Variants in C1QTNF3 observed in about 807,000 individuals in gnomAD.
The protein encoded by C1QTNF3 is C1q and TNF related 3.
A neutral mutation model predicts 32.6 loss-of-function variants in C1QTNF3; 26 were observed. That is an observed-to-expected ratio of 0.80 (90% confidence interval 0.58 to 1.11). C1QTNF3 has a LOEUF of 1.11. C1QTNF3 is among the 50% of genes least tolerant of loss of function. C1QTNF3 has a pLI of 0.00. For missense variants in C1QTNF3, 362 were observed against 398.2 expected, an observed-to-expected ratio of 0.91 and a Z score of 0.77; for synonymous variants, 155 against 146.0, an observed-to-expected ratio of 1.06 and a Z score of -0.44.
chr5:34,213,778 TATATATAC>T, the C1QTNF3 span, among the ~76,000 whole-genome samples: 1 of 10,598 alleles, frequency 9.4e-5, no homozygotes, highest in Non-Finnish European at 3.1e-4. Flanking sequence ...CACATACGTG[TATATATAC>T]ATATATATAT....
chr5:34,128,587 T>G, the C1QTNF3 span, among the ~76,000 whole-genome samples: 1 of 152,226 alleles, frequency 6.6e-6, no homozygotes. Flanking sequence ...GCCCACTTGT[T>G]GCATCAGCAT....
the C1QTNF3 span, among the ~76,000 whole-genome samples, chr5:34,148,176 T>G: frequency 1.8e-4 from 27 of 146,362 alleles, no homozygotes; most frequent in East Asian, 4.2e-4. Flanking sequence ...ACCACGAGAC[T>G]ATATCCCACA....
chr5:34,117,721 A>C, the C1QTNF3 span, among the ~76,000 whole-genome samples: 1 of 152,076 alleles, frequency 6.6e-6, no homozygotes, highest in Non-Finnish European at 1.5e-5. Context: ...CAGTGAGCCT[A>C]GATCATGCCA....
chr5:34,213,136 GGATT>G, the C1QTNF3 span, among the ~76,000 whole-genome samples: 36 of 152,200 alleles, frequency 2.4e-4, 1 homozygote, highest in South Asian at 7.3e-3. Flanking sequence ...AATAATGAAT[GGATT>G]AATATCTTTT....
the C1QTNF3 span, among the ~76,000 whole-genome samples, chr5:34,184,961 A>T: frequency 6.6e-6 from 1 of 152,424 alleles, no homozygotes; most frequent in East Asian, 1.9e-4. Context: ...AGAAAGTTCC[A>T]TGAACAAATA....
the C1QTNF3 span, among the ~76,000 whole-genome samples, chr5:34,113,428 G>A: frequency 2.0e-5 from 3 of 151,406 alleles, 1 homozygote; most frequent in African/African-American, 7.3e-5. Flanking sequence ...TGTACATGAA[G>A]ATCAAGTCAG....
the C1QTNF3 span, among the ~76,000 whole-genome samples, chr5:34,224,663 A>G: frequency 6.6e-6 from 1 of 152,236 alleles, no homozygotes; most frequent in Non-Finnish European, 1.5e-5. Flanking sequence ...AAGATGGAGT[A>G]AAGACTTAAA....
chr5:34,178,469 T>A, the C1QTNF3 span, among the ~76,000 whole-genome samples: 2 of 152,292 alleles, frequency 1.3e-5, no homozygotes, highest in Non-Finnish European at 2.9e-5. Context: ...ACTCCAACCC[T>A]GGAGTTACTA....
At chr5:34,063,843 GT>G in the C1QTNF3 span, among the ~76,000 whole-genome samples, 1 of 152,184 alleles carries the variant, frequency 6.6e-6, no homozygotes, top group Non-Finnish European at 1.5e-5. Context: ...AGGTTCAGAG[GT>G]AAGGAGAATT....
the C1QTNF3 span, among the ~76,000 whole-genome samples, chr5:34,132,649 T>C: frequency 6.6e-6 from 1 of 152,070 alleles, no homozygotes; most frequent in Non-Finnish European, 1.5e-5. Flanking sequence ...ATTTGTCATA[T>C]CAGGACTATT....
At chr5:34,207,915 G>T in the C1QTNF3 span, among the ~76,000 whole-genome samples, 4 of 152,112 alleles carry the variant, frequency 2.6e-5, no homozygotes, top group Middle Eastern at 6.8e-3. Flanking sequence ...AGCCTCCCGA[G>T]TAGATGGGAC....
the C1QTNF3 span, among the ~76,000 whole-genome samples, chr5:34,084,936 G>A: frequency 6.8e-6 from 1 of 147,914 alleles, no homozygotes; most frequent in African/African-American, 2.6e-5. Flanking sequence ...GAATAGTACT[G>A]CCTAGGTTTT....
At chr5:34,196,089 C>G in the C1QTNF3 span, among the ~76,000 whole-genome samples, 2 of 152,300 alleles carry the variant, frequency 1.3e-5, no homozygotes, top group Admixed American at 6.5e-5. Context: ...TTTGCCAACA[C>G]TTTGATCTTG....
chr5:34,177,250 C>G, the C1QTNF3 span, among the ~76,000 whole-genome samples: 1 of 152,108 alleles, frequency 6.6e-6, no homozygotes, highest in African/African-American at 2.4e-5. Flanking sequence ...ATCAAGACCT[C>G]AATAGCCACA....
chr5:34,046,553 T>C (rs1017883595), upstream of C1QTNF3, among the ~76,000 whole-genome samples: 12 of 152,120 alleles, frequency 7.9e-5, no homozygotes, highest in Admixed American at 7.9e-4. Flanking sequence ...CACCAGAAGG[T>C]AGGTGAGAAG....
the C1QTNF3 span, among the ~76,000 whole-genome samples, chr5:34,243,988 T>C: frequency 6.6e-6 from 1 of 152,204 alleles, no homozygotes; most frequent in African/African-American, 2.4e-5. Context: ...CTTTATTTGA[T>C]GGACTGGATT....
chr5:34,195,452 G>A, the C1QTNF3 span, among the ~76,000 whole-genome samples: 3 of 136,860 alleles, frequency 2.2e-5, no homozygotes, highest in East Asian at 2.2e-4. Context: ...AAAAGCTGTC[G>A]TTGGAGAGAA....
the C1QTNF3 span, among the ~76,000 whole-genome samples, chr5:34,161,749 T>C: frequency 6.6e-6 from 1 of 152,172 alleles, no homozygotes; most frequent in African/African-American, 2.4e-5. Context: ...ATATTGTAAA[T>C]GTATGAAAAA....
chr5:34,224,759 A>G, the C1QTNF3 span, among the ~76,000 whole-genome samples: 3 of 152,202 alleles, frequency 2.0e-5, no homozygotes, highest in Non-Finnish European at 4.4e-5. Context: ...CTTCATGTCT[A>G]AAACACCAAA....
Sources: gnomAD v4.1 joint callset for allele counts (sites outside exome capture counted in the v4.1 genomes callset) on GRCh38, gnomAD v4.1.1 for gene constraint, MANE v1.5 for transcripts, NCBI Gene and HGNC (gene_info 2026-07-23, HGNC 2026-07-21) for gene names.